Variants in AGL observed in about 807,000 individuals in gnomAD.
The protein encoded by AGL is glycogen debranching enzyme.
Under a neutral mutation model 199.3 loss-of-function variants are expected in AGL, and 128 were observed. That is an observed-to-expected ratio of 0.64 (90% CI 0.56 to 0.74). AGL has a LOEUF of 0.74. Ranked by LOEUF, AGL falls within the 30% of genes least tolerant of loss-of-function variation. The pLI, the probability that AGL is intolerant of heterozygous loss-of-function variation, is 0.00. For synonymous variants in AGL, 584 were observed against 594.7 expected (o/e 0.98, Z 0.26); for missense variants, 1,809 against 1,820.8 (o/e 0.99, Z 0.12).
intron 7 of AGL, 109 bp from the exon 8 acceptor site, chr1:99,874,574 ATATT>A: frequency 9.5e-7 from 1 of 1,050,194 alleles, no homozygotes; most frequent in Non-Finnish European, 1.4e-6. Context: ...TGTGAAATAA[ATATT>A]TGTTTTATTT....
At position 99,857,085 on chromosome 1, in the gene AGL, C is replaced by G. The variant is rs11166359; in HGVS notation, c.83-4418C>G. Among the ~76,000 whole-genome samples the G allele has an allele frequency of 4.2e-3, 641 of 151,380 alleles. 8 individuals carry two copies. Among genetic ancestry groups the G allele is most frequent in the African/African-American group, 0.015 (606 of 41,370 alleles). ...GGCAGGGGGCTGACCCCCCCACCTC[C>G]CTCCCGGACGGGGCGGCTGGCCGGG... On this transcript the variant is annotated intron_variant, in intron 2 of 33. Coordinates refer to ENST00000361915, the MANE Select transcript of AGL (RefSeq NM_000642.3).
chr1:99,912,006 C>G (rs1255193903), intron 28 of AGL, among the ~76,000 whole-genome samples: 2 of 152,104 alleles, frequency 1.3e-5, no homozygotes, highest in African/African-American at 2.4e-5. Flanking sequence ...CCTTGTACTT[C>G]CCTTTTATTT....
intron 5 of AGL, among the ~76,000 whole-genome samples, chr1:99,869,128 A>G (rs767143368): frequency 2.6e-5 from 4 of 152,120 alleles, no homozygotes; most frequent in Non-Finnish European, 2.9e-5. Context: ...CCTAGCCCCA[A>G]TATTTATTTT....
In AGL at chr1:99,884,409, T is replaced by C; in HGVS notation, c.2504T>C (p.Ile835Thr). Residue 835 changes from isoleucine (I) to threonine (T), a missense_variant, in exon 19 of 34, where the codon ATA becomes ACA. Transcript: ENST00000361915. The stretch of plus-strand genomic sequence containing the variant: ...GGGCCCAATGAATATATTCAAGAAA[T>C]AGAATTTGAAAACTTGTCTCCAGGA... ...TKGPNEYIQEIEFENLSPGSV... is the reference protein window; with the variant it reads ...TKGPNEYIQETEFENLSPGSV... The C allele has an allele frequency of 6.2e-7, 1 of 1,613,368 alleles. No individual in the cohort carries two copies. The highest frequency in any genetic ancestry group is 8.5e-7 in the Non-Finnish European group (1 of 1,179,670).
chr1:99,876,833 AC>A lies in AGL; in HGVS notation c.1423+237del, dbSNP rs1237741568. 2.0e-5 allele frequency among the ~76,000 whole-genome samples: 3 copies of A among 152,200 alleles called. No individual in the cohort carries two copies. In the East Asian group the frequency reaches 5.8e-4, roughly 29 times the overall value. ...ACCTTTTATCTTCTCAAACAGAATA[AC>A]TTTTATGTACTGTTTTCTATATTGT... On this transcript the variant is annotated intron_variant, in intron 11 of 33. Coordinates refer to ENST00000361915, the MANE Select transcript of AGL (RefSeq NM_000642.3).
chr1:99,874,500 C>T (rs562280691), intron 7 of AGL, 187 bp from the exon 8 acceptor site: 178 of 588,018 alleles, frequency 3.0e-4, no homozygotes, highest in Non-Finnish European at 4.6e-4. Flanking sequence ...TGTGTTTGCG[C>T]GTGCACGCAC....
At chr1:99,915,255 G>A (rs1655025165) in intron 30 of AGL, 134 bp from the exon 31 acceptor site, 1 of 754,840 alleles carries the variant, frequency 1.3e-6, no homozygotes, top group Non-Finnish European at 2.4e-6. Context: ...GATCTGTTTA[G>A]GCATCTACAC....
rs199701996 is a variant in AGL at position 99,850,997 on chromosome 1, G to A, written c.-46G>A. On this transcript the variant is annotated 5_prime_UTR_variant, in exon 2 of 34. Transcript: ENST00000361915. ...TAGGGGTAACTCATTCGACTGTGGAGTTCTTTTAATTCTTATGAAAGATTT... is the reference window on the plus strand; with the variant it reads ...TAGGGGTAACTCATTCGACTGTGGAATTCTTTTAATTCTTATGAAAGATTT... 1.9e-5 allele frequency: 28 copies of A among 1,490,776 alleles called. No individual in the cohort carries two copies. The African/African-American group carries it at 3.6e-4, about 19-fold the overall frequency. 92.3% of individuals were successfully genotyped at this position (1,490,776 alleles called of 1,614,324 possible).
upstream of AGL, chr1:99,849,976 C>G (rs1322639845): frequency 6.6e-6 from 1 of 152,346 alleles, no homozygotes; most frequent in Non-Finnish European, 1.5e-5. Context: ...AGCGCCGCTC[C>G]CGGCCTCAGC....
chr1:99,891,303 A>T lies in AGL; in HGVS notation c.2896A>T (p.Met966Leu), dbSNP rs772843306. ...TAATAATTTGAGATCTGGAGATTGGATGATTGACTATGTCAGTAACCGGCT... is the reference window on the plus strand; with the variant it reads ...TAATAATTTGAGATCTGGAGATTGGTTGATTGACTATGTCAGTAACCGGCT... ...FCNNLRSGDW[M>L]IDYVSNRLIS... Residue 966 changes from methionine to leucine, a missense_variant, in exon 22 of 34, where the codon ATG (methionine) becomes TTG (leucine). Met to Leu is a conservative substitution (Grantham distance 15, BLOSUM62 2). Transcript: ENST00000361915. 5 of 1,613,812 alleles carry T rather than the reference A, an allele frequency of 3.1e-6. No individual in the cohort carries two copies. The South Asian group carries it at 3.3e-5, about 11-fold the overall frequency.
At position 99,862,384 on chromosome 1, in the gene AGL, G is replaced by T; in HGVS notation, c.421G>T (p.Asp141Tyr). The T allele has an allele frequency of 6.2e-7, 1 of 1,614,076 alleles. No individual in the cohort carries two copies. The highest frequency in any genetic ancestry group is 8.5e-7 in the Non-Finnish European group (1 of 1,179,994). The change falls in exon 4 of 34, where the codon GAT (aspartate) becomes TAT (tyrosine). Residue 141 changes from aspartate (D) to tyrosine (Y), a missense_variant. Physicochemically the swap from Asp to Tyr is radical, Grantham distance 160. Coordinates refer to ENST00000361915, the MANE Select transcript of AGL (RefSeq NM_000642.3). ...TFLAKCLGPF[D>Y]EWESRLRVAK... ...TTTAGCTAAGTGTTTGGGACCTTTT[G>T]ATGAATGGGAAAGCAGACTTAGGGT... is the stretch of plus-strand genomic sequence containing the variant.
intron 20 of AGL, among the ~76,000 whole-genome samples, chr1:99,885,738 C>G (rs559225553): frequency 1.3e-5 from 2 of 152,234 alleles, no homozygotes; most frequent in South Asian, 4.2e-4. Context: ...TTGCCATCAC[C>G]CCCATATGGG....
chr1:99,862,433 G>T lies in AGL; in HGVS notation c.460+10G>T. The T allele has an allele frequency of 6.2e-7, 1 of 1,613,644 alleles. No homozygotes were observed. On this transcript the variant is annotated intron_variant, in intron 4 of 33. Transcript: ENST00000361915. ...GTTGCAAAAGAATCAGGTAATGTCA[G>T]CTTGCTTTCTTTTTCTTATTTAAAA...
chr1:99,891,326 G>A lies in AGL; in HGVS notation c.2919G>A (p.Arg973=), dbSNP rs1447311232. ...GDWMIDYVSN[R]LISRSGTIAE... is the part of the protein sequence containing the mutation. ...GGATGATTGACTATGTCAGTAACCGGCTTATTTCACGATCAGGAACTATTG... is the reference window on the plus strand; with the variant it reads ...GGATGATTGACTATGTCAGTAACCGACTTATTTCACGATCAGGAACTATTG... The change falls in exon 22 of 34, where the codon CGG becomes CGA. Residue 973 remains arginine (R), a synonymous_variant. Coordinates refer to ENST00000361915, the MANE Select transcript of AGL (RefSeq NM_000642.3). 1 of 1,613,532 alleles carries A rather than the reference G, an allele frequency of 6.2e-7. No individual in the cohort carries two copies. The highest frequency in any genetic ancestry group is 1.7e-5 in the Admixed American group (1 of 59,972).
intron 30 of AGL, among the ~76,000 whole-genome samples, chr1:99,915,176 A>G (rs139113976): frequency 1.3e-4 from 20 of 152,292 alleles, no homozygotes; most frequent in African/African-American, 4.8e-4. Flanking sequence ...CAGAGAAATA[A>G]TCACCTCTAA....
At chr1:99,884,267 T>G (rs768566418) in intron 18 of AGL, 23 bp downstream of exon 18, 5 of 1,612,940 alleles carry the variant, frequency 3.1e-6, no homozygotes, top group Non-Finnish European at 4.2e-6. Flanking sequence ...CTCATCTTAC[T>G]ACTGTGTTTA....
Position 99,896,256 on chromosome 1 carries a change from C to G in AGL, c.3260-30C>G, listed in dbSNP as rs779734685. On this transcript the variant is annotated intron_variant, in intron 24 of 33. Coordinates refer to ENST00000361915, the MANE Select transcript of AGL (RefSeq NM_000642.3). ...GGTTTGTGTGTATTATTATGATTAA[C>G]ATATTACTTTGTTGTGTTTTTTTTG... The G allele has an allele frequency of 3.9e-6, 6 of 1,520,626 alleles. No individual in the cohort carries two copies. In the Admixed American group the frequency reaches 1.0e-4, roughly 25 times the overall value. 94.2% of individuals were successfully genotyped at this position (1,520,626 alleles called of 1,614,324 possible).
intron 2 of AGL, among the ~76,000 whole-genome samples, chr1:99,856,012 C>T (rs1390537993): frequency 6.6e-6 from 1 of 152,106 alleles, no homozygotes; most frequent in East Asian, 1.9e-4. Context: ...TTTAATCACT[C>T]ATTATGCTAG....
At chr1:99,881,812 ACGTACTTG>A in intron 17 of AGL, 121 bp downstream of exon 17, 1 of 989,110 alleles carries the variant, frequency 1.0e-6, no homozygotes, top group Admixed American at 2.9e-5. Flanking sequence ...GCTACTGTGG[ACGTACTTG>A]AGAAAAAGAA....
Sources: gnomAD v4.1 joint callset for allele counts (sites outside exome capture counted in the v4.1 genomes callset) on GRCh38, gnomAD v4.1.1 for gene constraint, MANE v1.5 for transcripts, NCBI Gene and HGNC (gene_info 2026-07-23, HGNC 2026-07-21) for gene names.